Variants in LARGE1 observed in about 807,000 individuals in gnomAD.
LARGE1 encodes the protein xylosyl- and glucuronyltransferase LARGE1.
A neutral mutation model predicts 87.6 loss-of-function variants in LARGE1; 43 were observed. That is an observed-to-expected ratio of 0.49 (90% CI 0.38 to 0.63). The LOEUF (loss-of-function observed/expected upper bound fraction) is 0.63, where lower values mean the gene tolerates loss of function less well. Among genes scored for constraint, LARGE1 ranks in the 30% least tolerant of loss-of-function variants. The pLI, the probability that LARGE1 is intolerant of heterozygous loss-of-function variation, is 0.00. For missense variants in LARGE1, 802 were observed against 1,000.2 expected (o/e 0.80, Z 2.67); for synonymous variants, 434 against 394.6 (o/e 1.10, Z -1.18).
intron 1 of LARGE1, among the ~76,000 whole-genome samples, chr22:33,818,948 G>A (rs2086738024): frequency 6.6e-6 from 1 of 152,152 alleles, no homozygotes; most frequent in African/African-American, 2.4e-5. Flanking sequence ...GATTAGGGCT[G>A]CAGGCTACAC....
chr22:33,478,793 T>C (rs1265229367), intron 6 of LARGE1, among the ~76,000 whole-genome samples: 1 of 152,200 alleles, frequency 6.6e-6, no homozygotes, highest in East Asian at 1.9e-4. Context: ...AGTTCCACTG[T>C]GTTCCCGTAG....
At position 33,562,084 on chromosome 22, in the gene LARGE1, T is replaced by C. The variant is rs193072697; in HGVS notation, c.787+2764A>G. On this transcript the variant is annotated intron_variant, in intron 6 of 14. Coordinates refer to ENST00000397394, the MANE Select transcript of LARGE1 (RefSeq NM_133642.5). ...AGGATGTCAACGACAATTGCCTTTA[T>C]GAAGGACACTCTCTCTTGGATCAGA... is the stretch of plus-strand genomic sequence containing the variant. Among the ~76,000 whole-genome samples, 16 of 152,338 alleles carry C rather than the reference T, an allele frequency of 1.1e-4. No individual in the cohort carries two copies. The East Asian group carries it at 3.1e-3, about 29-fold the overall frequency.
chr22:33,487,695 C>T (rs1366610212), intron 6 of LARGE1, among the ~76,000 whole-genome samples: 1 of 152,002 alleles, frequency 6.6e-6, no homozygotes, highest in Non-Finnish European at 1.5e-5. Flanking sequence ...GGATAAAACT[C>T]ACTGAAATCT....
intron 10 of LARGE1, among the ~76,000 whole-genome samples, chr22:33,331,124 A>G (rs1203263065): frequency 6.6e-6 from 1 of 152,212 alleles, no homozygotes; most frequent in Non-Finnish European, 1.5e-5. Context: ...ATCCCAAGGC[A>G]CACTGTGTTC....
chr22:33,829,116 C>G (rs1454926043), intron 1 of LARGE1, among the ~76,000 whole-genome samples: 1 of 144,882 alleles, frequency 6.9e-6, no homozygotes, highest in Non-Finnish European at 1.5e-5. Context: ...TCAACCGATT[C>G]TCCTGCCTCA....
intron 1 of LARGE1, among the ~76,000 whole-genome samples, chr22:33,800,919 C>T (rs534420858): frequency 1.0e-3 from 157 of 152,196 alleles, no homozygotes; most frequent in Non-Finnish European, 1.7e-3. Context: ...CTGGATCATA[C>T]GGTGATATGG....
At chr22:33,729,523 AG>A (rs1273398604) in intron 2 of LARGE1, among the ~76,000 whole-genome samples, 2 of 152,236 alleles carry the variant, frequency 1.3e-5, no homozygotes, top group Admixed American at 1.3e-4. Context: ...ATGATCAGTT[AG>A]GGTATAACAC....
At chr22:33,283,709 A>G (rs1569011700) in intron 12 of LARGE1, among the ~76,000 whole-genome samples, 3 of 151,902 alleles carry the variant, frequency 2.0e-5, no homozygotes, top group Non-Finnish European at 4.4e-5. Context: ...CCCGGGAGGC[A>G]GAGGTTGCAA....
chr22:33,609,956 G>A (rs974844120), intron 4 of LARGE1, among the ~76,000 whole-genome samples: 1 of 152,014 alleles, frequency 6.6e-6, no homozygotes, highest in African/African-American at 2.4e-5. Flanking sequence ...CCTCTTGCAT[G>A]TGATGTACCT....
chr22:33,773,886 G>A (rs1292902380), intron 1 of LARGE1, among the ~76,000 whole-genome samples: 1 of 152,166 alleles, frequency 6.6e-6, no homozygotes, highest in East Asian at 1.9e-4. Flanking sequence ...AAAATAAATT[G>A]ATTGACTATA....
chr22:33,509,625 A>T (rs1175628453), intron 6 of LARGE1, among the ~76,000 whole-genome samples: 2 of 151,622 alleles, frequency 1.3e-5, no homozygotes, highest in Non-Finnish European at 2.9e-5. Flanking sequence ...TAATTTTTAA[A>T]TTTTTTGGTA....
rs1419194871 is a variant in LARGE1, at chr22:33,920,465, C to G, written c.-553G>C. On this transcript the variant is annotated 5_prime_UTR_variant, in exon 1 of 15. Transcript: ENST00000397394. ...CCCGGGCTCCGGCGCGGCGGCGGGG[C>G]AGGAGCAGACTGGCCGGGCCGGGCG... The G allele has an allele frequency of 6.8e-6, 1 of 146,920 alleles. No homozygotes were observed. Among genetic ancestry groups the G allele is most frequent in the Non-Finnish European group, 1.5e-5 (1 of 66,228 alleles). The allele number at this position is 146,920 out of a possible 1,614,324, so 9.1% of individuals were successfully genotyped here. A position where few individuals can be genotyped will look rare whatever the true frequency, so the allele number is the denominator to read the frequency against.
intron 6 of LARGE1, among the ~76,000 whole-genome samples, chr22:33,435,720 T>C (rs533530109): frequency 1.3e-5 from 2 of 152,296 alleles, no homozygotes; most frequent in Admixed American, 1.3e-4. Flanking sequence ...ATGGTTAACC[T>C]AAAGTCACGT....
At chr22:33,854,689 G>A (rs1476830617) in intron 1 of LARGE1, among the ~76,000 whole-genome samples, 2 of 142,062 alleles carry the variant, frequency 1.4e-5, no homozygotes, top group African/African-American at 5.3e-5. Flanking sequence ...AAAAAAAAAA[G>A]GTCCAATTTA....
At chr22:33,487,844 C>G (rs1362321293) in intron 6 of LARGE1, among the ~76,000 whole-genome samples, 7 of 152,190 alleles carry the variant, frequency 4.6e-5, no homozygotes, top group Non-Finnish European at 1.5e-5. Flanking sequence ...GTTTCCCTAT[C>G]TGCAAAGTGG....
At chr22:33,315,998 G>C in intron 11 of LARGE1, 87 bp downstream of exon 11, 1 of 1,442,764 alleles carries the variant, frequency 6.9e-7, no homozygotes, top group African/African-American at 1.4e-5. Context: ...AGATGCACTG[G>C]GAAGCAGGCA....
chr22:33,458,199 C>T lies in LARGE1; in HGVS notation c.788-25934G>A, dbSNP rs5994748. On this transcript the variant is annotated intron_variant, in intron 6 of 14. Transcript: ENST00000397394. ...TCGGCTCACTGCAAGCTCCATCTCCCGGGTTCATGCCATTCTCCTGCCTCA... is the reference window on the plus strand; with the variant it reads ...TCGGCTCACTGCAAGCTCCATCTCCTGGGTTCATGCCATTCTCCTGCCTCA... Among the ~76,000 whole-genome samples, 969 of 151,326 alleles carry T rather than the reference C, an allele frequency of 6.4e-3. 11 individuals carry two copies. Among genetic ancestry groups the T allele is most frequent in the African/African-American group, 0.022 (904 of 41,196 alleles).
intron 2 of LARGE1, among the ~76,000 whole-genome samples, chr22:33,660,622 CCA>C (rs1311503637): frequency 1.3e-5 from 2 of 152,166 alleles, no homozygotes; most frequent in Non-Finnish European, 2.9e-5. Context: ...TTCTCCTTCC[CCA>C]GTTTCTTGAG....
chr22:33,435,087 C>T (rs1052970388), intron 6 of LARGE1, among the ~76,000 whole-genome samples: 10 of 152,304 alleles, frequency 6.6e-5, no homozygotes, highest in East Asian at 3.9e-4. Flanking sequence ...CTGCAACCTT[C>T]GCCTCCCGAG....
Sources: gnomAD v4.1 joint callset for allele counts (sites outside exome capture counted in the v4.1 genomes callset) on GRCh38, gnomAD v4.1.1 for gene constraint, MANE v1.5 for transcripts, NCBI Gene and HGNC (gene_info 2026-07-23, HGNC 2026-07-21) for gene names.